BDP1: variants seen among roughly 807,000 people sequenced by gnomAD.
BDP1 encodes the protein transcription factor TFIIIB component B'' homolog.
BDP1 carries 169 observed loss-of-function variants against 266.6 expected under a neutral mutation model. The ratio of observed to expected loss-of-function variants is 0.63; its 90% CI spans 0.56 to 0.72. The LOEUF (loss-of-function observed/expected upper bound fraction) is 0.72. Ranked by LOEUF, BDP1 falls within the 30% of genes least tolerant of loss-of-function variation. The probability of loss-of-function intolerance (pLI) is 0.00; values close to 1 mark genes in which losing one functional copy is unlikely to be tolerated. For missense variants in BDP1, 3,015 were observed against 3,053.8 expected, an observed-to-expected ratio of 0.99 and a Z score of 0.30; for synonymous variants, 1,090 against 1,022.4, an observed-to-expected ratio of 1.07 and a Z score of -1.26.
intron 34 of BDP1, among the ~76,000 whole-genome samples, chr5:71,552,346 G>A (rs1437507707): frequency 1.3e-5 from 2 of 152,110 alleles, no homozygotes; most frequent in African/African-American, 2.4e-5. Flanking sequence ...TGGGATGGCC[G>A]CCGGGCAGAG....
At chr5:71,506,786 A>AACACACACACACACACAC (rs70992971) in intron 16 of BDP1, among the ~76,000 whole-genome samples, 33 of 64,422 alleles carry the variant, frequency 5.1e-4, no homozygotes, top group South Asian at 4.2e-3. Flanking sequence ...ATATATTTGA[A>AACACACACACACACACAC]ACACACACAC....
chr5:71,515,699 A>C (rs1366013842), intron 20 of BDP1, among the ~76,000 whole-genome samples: 1 of 152,164 alleles, frequency 6.6e-6, no homozygotes, highest in East Asian at 1.9e-4. Flanking sequence ...GTGTATTCAC[A>C]TTGTTGTCCC....
At chr5:71,477,273 T>C (rs1250389315) in intron 7 of BDP1, among the ~76,000 whole-genome samples, 1 of 151,920 alleles carries the variant, frequency 6.6e-6, no homozygotes, top group Non-Finnish European at 1.5e-5. Context: ...TCCTCCTGCC[T>C]CAGCCTCCTG....
Position 71,486,472 on chromosome 5 carries a change from T to C in BDP1, c.1070-12T>C. The C allele has an allele frequency of 6.5e-7, 1 of 1,530,932 alleles. No homozygotes were observed. Among genetic ancestry groups the C allele is most frequent in the South Asian group, 1.3e-5 (1 of 76,508 alleles). The allele number at this position is 1,530,932 out of a possible 1,614,324, so 94.8% of individuals were successfully genotyped here. On this transcript the variant is annotated splice_polypyrimidine_tract_variant and intron_variant, in intron 8 of 38. Transcript: ENST00000358731. ...TAAAAACTTGAAAGTTCTTTTCCTT[T>C]TCTTTAAACAGAGGAAAAGCGCCCT...
chr5:71,495,954 G>A (rs1354920783), intron 12 of BDP1, among the ~76,000 whole-genome samples: 1 of 151,932 alleles, frequency 6.6e-6, no homozygotes, highest in Non-Finnish European at 1.5e-5. Context: ...GCTATTAATA[G>A]TTTATGGGCT....
chr5:71,576,150 T>G, the BDP1 span, among the ~76,000 whole-genome samples: 8 of 152,286 alleles, frequency 5.3e-5, no homozygotes, highest in African/African-American at 1.4e-4. Context: ...ATGTTAGCCA[T>G]AATATCCTGT....
intron 36 of BDP1, among the ~76,000 whole-genome samples, chr5:71,559,389 C>T (rs1246010988): frequency 6.6e-6 from 1 of 152,166 alleles, no homozygotes; most frequent in East Asian, 1.9e-4. Flanking sequence ...AGCAGGTTTA[C>T]TTATCAACTT....
At chr5:71,538,969 TG>T (rs1346253305) in intron 26 of BDP1, 72 bp from the exon 27 acceptor site, 1 of 955,354 alleles carries the variant, frequency 1.0e-6, no homozygotes, top group African/African-American at 1.6e-5. Context: ...CCTCTGAAAA[TG>T]TAGTGCATGC....
chr5:71,542,567 A>G (rs149470912), intron 30 of BDP1, among the ~76,000 whole-genome samples: 56 of 152,050 alleles, frequency 3.7e-4, no homozygotes, highest in Non-Finnish European at 6.9e-4. Flanking sequence ...TGACCTCCCC[A>G]TTCAGTCAGA....
chr5:71,456,003 C>T lies in BDP1; in HGVS notation c.126C>T (p.Asp42=). The change falls in exon 1 of 39, where the codon GAC becomes GAT. Residue 42 remains aspartate, a synonymous_variant. Transcript: ENST00000358731. ...CCAGGCCGCCGGATCCTGCCACGGA[C>T]TCTGCTTCCAAGCCCGCGGAGCCCA... ...ESPRPPDPAT[D]SASKPAEPTD... 1 of 1,613,678 alleles carries T rather than the reference C, an allele frequency of 6.2e-7. No individual in the cohort carries two copies. The highest frequency in any genetic ancestry group is 8.5e-7 in the Non-Finnish European group (1 of 1,180,018).
intron 21 of BDP1, among the ~76,000 whole-genome samples, chr5:71,516,472 T>G (rs957525258): frequency 6.6e-6 from 1 of 152,198 alleles, no homozygotes; most frequent in African/African-American, 2.4e-5. Flanking sequence ...TTAATGAAGC[T>G]ATTCATCGTA....
Position 71,565,902 on chromosome 5 carries a change from T to C in BDP1, c.*1017T>C, listed in dbSNP as rs1238930274. On this transcript the variant is annotated 3_prime_UTR_variant, in exon 39 of 39. Transcript: ENST00000358731. The stretch of plus-strand genomic sequence containing the variant: ...CATAATTATTTATAAAGATGACACA[T>C]CAAAGGGCTTATTTATTTTTAAATT... The C allele has an allele frequency of 6.4e-6, 1 of 155,880 alleles. No individual in the cohort carries two copies. Among genetic ancestry groups the C allele is most frequent in the Non-Finnish European group, 1.4e-5 (1 of 70,176 alleles). 9.7% of individuals were successfully genotyped at this position (155,880 alleles called of 1,614,324 possible). A position where few individuals can be genotyped will look rare whatever the true frequency, so the allele number is the denominator to read the frequency against.
chr5:71,544,081 A>G (rs1323790989), intron 30 of BDP1, among the ~76,000 whole-genome samples: 1 of 152,178 alleles, frequency 6.6e-6, no homozygotes, highest in Non-Finnish European at 1.5e-5. Context: ...TTGAGTTTCT[A>G]ATTATTGATG....
chr5:71,547,533 T>G (rs2150577916), intron 32 of BDP1, among the ~76,000 whole-genome samples: 1 of 152,338 alleles, frequency 6.6e-6, no homozygotes, highest in South Asian at 2.1e-4. Flanking sequence ...TCTTTTCCAT[T>G]CTGTATTAGT....
At chr5:71,551,779 AC>A (rs1030135493) in intron 34 of BDP1, among the ~76,000 whole-genome samples, 4 of 143,634 alleles carry the variant, frequency 2.8e-5, no homozygotes, top group Non-Finnish European at 4.6e-5. Flanking sequence ...AGGGGGGCTG[AC>A]CCCCCCACCT....
At position 71,541,577 on chromosome 5, in the gene BDP1, C is replaced by T. The variant is rs756752437; in HGVS notation, c.6146C>T (p.Thr2049Ile). 1.1e-5 allele frequency: 18 copies of T among 1,611,822 alleles called. No individual in the cohort carries two copies. In the South Asian group the frequency reaches 1.8e-4, roughly 16 times the overall value. Residue 2049 changes from threonine to isoleucine, a missense_variant, in exon 29 of 39, where the codon ACA becomes ATA. Physicochemically the swap from Thr to Ile is moderately conservative, Grantham distance 89. This residue lies in a region of BDP1 where 2,383 missense variants were observed against 2,404.9 expected (regional missense o/e 0.99). Coordinates refer to ENST00000358731, the MANE Select transcript of BDP1 (RefSeq NM_018429.3). ...CQELSSPVIT[T>I]SPASFEENKI... ...GAACTTTCTTCACCTGTCATTACTACATCTCCTGCATCATTTGAAGAAAAC... is the reference window on the plus strand; with the variant it reads ...GAACTTTCTTCACCTGTCATTACTATATCTCCTGCATCATTTGAAGAAAAC...
At chr5:71,467,594 T>G in intron 6 of BDP1, 107 bp downstream of exon 6, 1 of 914,074 alleles carries the variant, frequency 1.1e-6, no homozygotes, top group Non-Finnish European at 1.7e-6. Context: ...AAACTACCAT[T>G]TTATTCCAGC....
rs776734368 is a variant in BDP1, at chr5:71,495,360, A to T, written c.1751A>T (p.Glu584Val). 1.3e-6 allele frequency: 2 copies of T among 1,597,952 alleles called. No homozygotes were observed. The highest frequency in any genetic ancestry group is 4.5e-5 in the East Asian group (2 of 44,528). Residue 584 changes from glutamate to valine, a missense_variant, in exon 12 of 39, where the codon GAG (glutamate) becomes GTG (valine). By Grantham distance (121) the Glu-to-Val change is moderately radical. This residue lies in a region of BDP1 where 2,383 missense variants were observed against 2,404.9 expected (regional missense o/e 0.99). Coordinates refer to ENST00000358731, the MANE Select transcript of BDP1 (RefSeq NM_018429.3). ...IRALCEVNNA[E>V]GSCIEERNVD... is the part of the protein sequence containing the mutation. ...GCATTGTGTGAGGTGAATAATGCTG[A>T]GGGTAGTTGTATAGAAGAAAGAAAT...
chr5:71,455,839 C>A lies in BDP1; in HGVS notation c.-39C>A. On this transcript the variant is annotated 5_prime_UTR_variant, in exon 1 of 39. Coordinates refer to ENST00000358731, the MANE Select transcript of BDP1 (RefSeq NM_018429.3). ...AGCCGCCGGGGCTCGGGGCTGTGAG[C>A]GGCCGTGAGGCTGCCTCCCCGGGCC... The A allele has an allele frequency of 6.6e-7, 1 of 1,521,974 alleles. No individual in the cohort carries two copies. The highest frequency in any genetic ancestry group is 8.9e-7 in the Non-Finnish European group (1 of 1,128,542). The allele number at this position is 1,521,974 out of a possible 1,614,324, so 94.3% of individuals were successfully genotyped here. A position where few individuals can be genotyped will look rare whatever the true frequency, so the allele number is the denominator to read the frequency against.
Sources: allele counts gnomAD v4.1 joint callset (sites outside exome capture counted in the v4.1 genomes callset), GRCh38; gene constraint gnomAD v4.1.1; regional missense constraint gnomAD v4.1.1; transcripts MANE v1.5; gene names NCBI Gene and HGNC (gene_info 2026-07-23, HGNC 2026-07-21).